SDHC: variants seen among roughly 807,000 people sequenced by gnomAD.
SDHC encodes the protein succinate dehydrogenase cytochrome b560 subunit, mitochondrial.
Under a neutral mutation model 22.6 loss-of-function variants are expected in SDHC, and 11 were observed. The ratio of observed to expected loss-of-function variants is 0.49; its 90% CI spans 0.31 to 0.81. The LOEUF (loss-of-function observed/expected upper bound fraction) is 0.81. SDHC is among the 30% of genes least tolerant of loss of function. SDHC has a pLI of 0.05. For missense variants in SDHC, 160 were observed against 212.0 expected, an observed-to-expected ratio of 0.75 and a Z score of 1.52; for synonymous variants, 80 against 77.8, an observed-to-expected ratio of 1.03 and a Z score of -0.15.
At chr1:161,340,145 C>A (rs79823281) in intron 3 of SDHC, among the ~76,000 whole-genome samples, 1 of 151,722 alleles carries the variant, frequency 6.6e-6, no homozygotes, top group Non-Finnish European at 1.5e-5. Context: ...AAAAATTAGG[C>A]GGACCTGGTG....
At chr1:161,355,873 A>C (rs532280654) in intron 4 of SDHC, among the ~76,000 whole-genome samples, 1 of 151,606 alleles carries the variant, frequency 6.6e-6, no homozygotes, top group Non-Finnish European at 1.5e-5. Flanking sequence ...AAGGCCAGCT[A>C]CCTGGGAGGC....
chr1:161,359,581 G>A (rs1672422548), intron 5 of SDHC, among the ~76,000 whole-genome samples: 1 of 152,218 alleles, frequency 6.6e-6, no homozygotes, highest in Admixed American at 6.5e-5. Context: ...CAATATGGGG[G>A]TAAGAGAGGG....
intron 3 of SDHC, chr1:161,339,662 GTTTTTTTTTTTTTTTTTTT>G (rs532317918): frequency 3.1e-4 from 16 of 51,658 alleles, no homozygotes; most frequent in South Asian, 4.8e-4. Flanking sequence ...TGATACAGGT[GTTTTTTTTTTTTTTTTTTT>G]TTTTTTTTTG....
At position 161,328,445 on chromosome 1, in the gene SDHC, A is replaced by C. The variant is rs1553262439; in HGVS notation, c.127A>C (p.Asn43His). The C allele has an allele frequency of 1.9e-6, 3 of 1,614,002 alleles. No individual in the cohort carries two copies. Among genetic ancestry groups the C allele is most frequent in the Non-Finnish European group, 1.7e-6 (2 of 1,179,850 alleles). ...TAKEEMERFW[N>H]KNIGSNRPLS... ...CAAAGAAGAGATGGAGCGGTTCTGG[A>C]ATAAGAATATAGGTTCAAACCGTCC... The change falls in exon 3 of 6, where the codon AAT (asparagine) becomes CAT (histidine). Residue 43 changes from asparagine to histidine, a missense_variant. Asn to His is a moderately conservative substitution (Grantham distance 68). Around this residue, in one of 2 missense-constraint regions of SDHC, gnomAD observed 86 missense variants for 83.4 expected, o/e 1.03. Coordinates refer to ENST00000367975, the MANE Select transcript of SDHC (RefSeq NM_003001.5).
At chr1:161,319,472 A>T (rs1350830252) in intron 1 of SDHC, among the ~76,000 whole-genome samples, 2 of 147,034 alleles carry the variant, frequency 1.4e-5, no homozygotes, top group African/African-American at 5.1e-5. Context: ...TTTGAGACTG[A>T]GTCTCGCTCT....
intron 3 of SDHC, among the ~76,000 whole-genome samples, chr1:161,331,427 C>T (rs1218007796): frequency 6.6e-5 from 10 of 151,720 alleles, no homozygotes; most frequent in Non-Finnish European, 1.5e-4. Context: ...TCACCACGCC[C>T]AGCTAATTTT....
chr1:161,362,601 G>T lies in SDHC; in HGVS notation c.*168G>T. ...GAGTACCTGGTAGACCATAATAGTG[G>T]AAAAGGGTCTAGTTTTCCCCTTGTT... is the stretch of plus-strand genomic sequence containing the variant. On this transcript the variant is annotated 3_prime_UTR_variant, in exon 6 of 6. Coordinates refer to ENST00000367975, the MANE Select transcript of SDHC (RefSeq NM_003001.5). 1 of 1,607,648 alleles carries T rather than the reference G, an allele frequency of 6.2e-7. No homozygotes were observed. Among genetic ancestry groups the T allele is most frequent in the East Asian group, 2.2e-5 (1 of 44,844 alleles).
chr1:161,337,541 C>T (rs939774235), intron 3 of SDHC, among the ~76,000 whole-genome samples: 1 of 152,144 alleles, frequency 6.6e-6, no homozygotes, highest in African/African-American at 2.4e-5. Flanking sequence ...AGGCTAAATA[C>T]TTGCTTGATG....
intron 2 of SDHC, among the ~76,000 whole-genome samples, chr1:161,326,293 A>T (rs1385974391): frequency 6.6e-6 from 1 of 151,950 alleles, no homozygotes; most frequent in Non-Finnish European, 1.5e-5. Context: ...AAAATAAGAT[A>T]AGTGGAGGAA....
At chr1:161,323,021 C>T (rs1670894101) in intron 1 of SDHC, among the ~76,000 whole-genome samples, 1 of 151,646 alleles carries the variant, frequency 6.6e-6, no homozygotes, top group African/African-American at 2.4e-5. Context: ...TTTTTTGAGA[C>T]AGAGTCTCGC....
At chr1:161,332,988 C>T (rs1402846696) in intron 3 of SDHC, among the ~76,000 whole-genome samples, 1 of 152,218 alleles carries the variant, frequency 6.6e-6, no homozygotes, top group Non-Finnish European at 1.5e-5. Flanking sequence ...TTAGCCATCA[C>T]CACCAATCGT....
chr1:161,339,816 G>C (rs1671655710), intron 3 of SDHC, among the ~76,000 whole-genome samples: 1 of 151,668 alleles, frequency 6.6e-6, no homozygotes, highest in Non-Finnish European at 1.5e-5. Flanking sequence ...GAGTAACTGA[G>C]ATTACAGGCA....
intron 3 of SDHC, chr1:161,339,606 TA>T (rs1671634915): frequency 6.7e-6 from 8 of 1,185,770 alleles, no homozygotes; most frequent in Admixed American, 2.9e-5. Context: ...TCCTTCTCCA[TA>T]AATCAGTTTT....
intron 5 of SDHC, among the ~76,000 whole-genome samples, chr1:161,360,277 G>C (rs1021461138): frequency 6.6e-6 from 1 of 152,022 alleles, no homozygotes; most frequent in African/African-American, 2.4e-5. Flanking sequence ...GTGGGGCTGG[G>C]GGCATGGTAG....
chr1:161,340,216 G>A (rs1390439936), intron 3 of SDHC, among the ~76,000 whole-genome samples: 1 of 152,064 alleles, frequency 6.6e-6, no homozygotes, highest in African/African-American at 2.4e-5. Flanking sequence ...ATGAACCCGG[G>A]AGGCAGAGGT....
rs185143557 is a variant in SDHC at position 161,342,570 on chromosome 1, A to G, written c.241+1915A>G. On this transcript the variant is annotated intron_variant, in intron 4 of 5. Transcript: ENST00000367975. ...GTTGCCCAGGCTGGAGTGCAATGGCACAGCCTTGGCTCACTGCAACCTCAT... is the reference window on the plus strand; with the variant it reads ...GTTGCCCAGGCTGGAGTGCAATGGCGCAGCCTTGGCTCACTGCAACCTCAT... Among the ~76,000 whole-genome samples the G allele has an allele frequency of 1.4e-4, 21 of 149,258 alleles. 1 individual carries two copies. The East Asian group carries it at 4.1e-3, about 29-fold the overall frequency.
intron 5 of SDHC, 129 bp from the exon 6 acceptor site, chr1:161,362,200 A>G (rs1672540187): frequency 1.8e-6 from 2 of 1,126,104 alleles, no homozygotes; most frequent in South Asian, 1.4e-5. Context: ...ATAAGGGTAG[A>G]AGCGCTTTTC....
chr1:161,349,607 TAC>T (rs754033885), intron 4 of SDHC, among the ~76,000 whole-genome samples: 1 of 152,230 alleles, frequency 6.6e-6, no homozygotes, highest in Non-Finnish European at 1.5e-5. Context: ...CCAAAAGATT[TAC>T]AGATTCATAA....
At chr1:161,331,831 G>C (rs1042229234) in intron 3 of SDHC, among the ~76,000 whole-genome samples, 1 of 151,988 alleles carries the variant, frequency 6.6e-6, no homozygotes, top group Non-Finnish European at 1.5e-5. Flanking sequence ...TCCTGACCTC[G>C]TGATCTGCCC....
Sources: allele counts gnomAD v4.1 joint callset (sites outside exome capture counted in the v4.1 genomes callset), GRCh38; gene constraint gnomAD v4.1.1; regional missense constraint gnomAD v4.1.1; transcripts MANE v1.5; gene names NCBI Gene and HGNC (gene_info 2026-07-23, HGNC 2026-07-21).